UNC79: variants seen among roughly 807,000 people sequenced by gnomAD.
UNC79 encodes protein unc-79 homolog.
In UNC79, 37 loss-of-function variants were observed where a neutral mutation model predicts 283.1. That is an observed-to-expected ratio of 0.13 (90% CI 0.10 to 0.17). The LOEUF (loss-of-function observed/expected upper bound fraction) is 0.17, where lower values mean the gene tolerates loss of function less well. UNC79 is among the 10% of genes least tolerant of loss of function. UNC79 has a pLI of 1.00. For missense variants in UNC79, 2,272 were observed against 3,211.1 expected (o/e 0.71, Z 7.07); for synonymous variants, 1,107 against 1,200.2 (o/e 0.92, Z 1.61).
chr14:93,610,697 A>G (rs2066240051), intron 26 of UNC79, among the ~76,000 whole-genome samples: 1 of 151,500 alleles, frequency 6.6e-6, no homozygotes, highest in African/African-American at 2.4e-5. Flanking sequence ...TGCAGCTTCA[A>G]CTTCCCAAGC....
At chr14:93,696,128 C>T (rs1298416118) in intron 47 of UNC79, among the ~76,000 whole-genome samples, 2 of 152,084 alleles carry the variant, frequency 1.3e-5, no homozygotes, top group African/African-American at 4.8e-5. Flanking sequence ...CATGTTATTG[C>T]ATGTAGCAGT....
At chr14:93,679,741 T>G (rs1270517729) in intron 41 of UNC79, among the ~76,000 whole-genome samples, 5 of 152,174 alleles carry the variant, frequency 3.3e-5, no homozygotes. Flanking sequence ...ATTTTGATAA[T>G]GAAGTTAGTA....
At chr14:93,506,252 C>T (rs1488564508) in intron 7 of UNC79, among the ~76,000 whole-genome samples, 9 of 141,774 alleles carry the variant, frequency 6.3e-5, no homozygotes, top group South Asian at 2.2e-4. Flanking sequence ...GATGTAGTTT[C>T]GCTCTTGTCA....
chr14:93,660,563 A>ATATATATATATATATGTGTGTGTG (rs1203621990), intron 39 of UNC79, among the ~76,000 whole-genome samples: 1 of 64,772 alleles, frequency 1.5e-5, no homozygotes, highest in Non-Finnish European at 2.9e-5. Context: ...ATATATATAT[A>ATATATATATATATATGTGTGTGTG]TGTGTGTGTG....
intron 7 of UNC79, among the ~76,000 whole-genome samples, chr14:93,511,254 G>C (rs1170447555): frequency 6.6e-6 from 1 of 152,238 alleles, no homozygotes; most frequent in African/African-American, 2.4e-5. Context: ...TTTGACATGA[G>C]ATTTGAGTGA....
At chr14:93,578,379 T>C (rs565766666) in intron 18 of UNC79, among the ~76,000 whole-genome samples, 2 of 152,320 alleles carry the variant, frequency 1.3e-5, no homozygotes, top group African/African-American at 4.8e-5. Flanking sequence ...TACAACTCTA[T>C]AGTGATGAAG....
At chr14:93,482,936 ATGACCTGACCCT>A (rs1233487212) in intron 4 of UNC79, among the ~76,000 whole-genome samples, 1 of 152,130 alleles carries the variant, frequency 6.6e-6, no homozygotes, top group East Asian at 1.9e-4. Flanking sequence ...CAGGCCCTCT[ATGACCTGACCCT>A]TGACTACCTT....
intron 26 of UNC79, among the ~76,000 whole-genome samples, 175 bp from the exon 27 acceptor site, chr14:93,604,721 T>C (rs959110823): frequency 2.6e-5 from 4 of 152,266 alleles, no homozygotes; most frequent in Non-Finnish European, 5.9e-5. Context: ...GATGTTCTTA[T>C]GATTCAGATA....
chr14:93,606,971 T>A (rs1471041496), intron 26 of UNC79, among the ~76,000 whole-genome samples: 1 of 152,216 alleles, frequency 6.6e-6, no homozygotes, highest in Non-Finnish European at 1.5e-5. Flanking sequence ...TTGGTGACTG[T>A]TCTGGGTCTC....
intron 40 of UNC79, among the ~76,000 whole-genome samples, chr14:93,663,463 T>G (rs1017217241): frequency 2.6e-5 from 4 of 152,254 alleles, no homozygotes; most frequent in Admixed American, 6.5e-5. Context: ...GGTCTCTGTT[T>G]CTGTTGTTCT....
At chr14:93,477,198 A>G (rs1335123970) in intron 3 of UNC79, among the ~76,000 whole-genome samples, 1 of 152,194 alleles carries the variant, frequency 6.6e-6, no homozygotes, top group Non-Finnish European at 1.5e-5. Flanking sequence ...TATTTCTGAT[A>G]CTGCCCTTGA....
intron 35 of UNC79, 101 bp downstream of exon 38, chr14:93,646,747 C>G: frequency 7.7e-7 from 1 of 1,300,768 alleles, no homozygotes; most frequent in Non-Finnish European, 1.1e-6. Flanking sequence ...CAGTGGCTCG[C>G]GTCTGTAATC....
exon 32 of UNC79, chr14:93,637,271 C>A (rs1387266075): frequency 6.2e-7 from 1 of 1,607,838 alleles, no homozygotes; most frequent in South Asian, 1.1e-5. Flanking sequence ...TAAACCCTGA[C>A]CTGGAGGGAC....
At chr14:93,443,523 A>C (rs1159026860) in intron 1 of UNC79, among the ~76,000 whole-genome samples, 1 of 150,886 alleles carries the variant, frequency 6.6e-6, no homozygotes, top group Non-Finnish European at 1.5e-5. Flanking sequence ...TCTTAGGTTC[A>C]AGCGATTCTC....
Position 93,655,419 on chromosome 14 carries a change from C to T in UNC79, c.6456+12C>T, listed in dbSNP as rs76148778. ...TTTTACCTCTGAAGGTAAGCTGAGC[C>T]GAAGGTTTCATTTTCAATTAATTTC... On this transcript the variant is annotated intron_variant, in intron 38 of 48. Transcript: ENST00000555664. 9.3e-5 allele frequency: 149 copies of T among 1,608,958 alleles called. No individual in the cohort carries two copies. The highest frequency in any genetic ancestry group is 1.1e-4 in the Non-Finnish European group (124 of 1,177,240).
At chr14:93,686,831 GAA>G (rs1261927385) in intron 43 of UNC79, among the ~76,000 whole-genome samples, 170 bp downstream of exon 46, 1 of 152,186 alleles carries the variant, frequency 6.6e-6, no homozygotes, top group Non-Finnish European at 1.5e-5. Context: ...TTGCAAAGAG[GAA>G]AAGAGGAAGG....
At chr14:93,610,217 A>G (rs2066202120) in intron 26 of UNC79, among the ~76,000 whole-genome samples, 3 of 152,210 alleles carry the variant, frequency 2.0e-5, no homozygotes, top group Admixed American at 6.5e-5. Context: ...GCAGGGTCCT[A>G]GCTGGGCCTT....
intron 18 of UNC79, 59 bp downstream of exon 18, chr14:93,578,122 C>A: frequency 6.7e-7 from 1 of 1,488,244 alleles, no homozygotes; most frequent in Non-Finnish European, 9.2e-7. Flanking sequence ...AAGCGTTGTA[C>A]AGCAATTCTT....
intron 1 of UNC79, among the ~76,000 whole-genome samples, chr14:93,399,248 G>A (rs937302491): frequency 4.6e-5 from 7 of 152,052 alleles, no homozygotes; most frequent in Non-Finnish European, 1.0e-4. Context: ...CTCAACCCGT[G>A]GGGATTACAA....
Sources: gnomAD v4.1 joint callset for allele counts (sites outside exome capture counted in the v4.1 genomes callset) on GRCh38, gnomAD v4.1.1 for gene constraint, MANE v1.5 for transcripts, NCBI Gene and HGNC (gene_info 2026-07-23, HGNC 2026-07-21) for gene names.